Variants in TMEM232 observed in about 807,000 individuals in gnomAD.
TMEM232 encodes transmembrane protein 232.
In TMEM232, 80 loss-of-function variants were observed where a neutral mutation model predicts 78.8. The ratio of observed to expected loss-of-function variants is 1.01; its 90% CI spans 0.85 to 1.22. The LOEUF (loss-of-function observed/expected upper bound fraction) is 1.22, where lower values mean the gene tolerates loss of function less well. TMEM232 is among the 50% of genes most tolerant of loss of function. The probability of loss-of-function intolerance (pLI) is 0.00; values close to 1 mark genes in which losing one functional copy is unlikely to be tolerated. For missense variants in TMEM232, 881 were observed against 742.2 expected (o/e 1.19, Z -2.17); for synonymous variants, 297 against 254.3 (o/e 1.17, Z -1.60).
At chr5:110,438,328 T>C (rs186275840) in intron 12 of TMEM232, among the ~76,000 whole-genome samples, 1 of 151,778 alleles carries the variant, frequency 6.6e-6, no homozygotes, top group Non-Finnish European at 1.5e-5. Flanking sequence ...CTCAGAAATA[T>C]AGAGGGGCAA....
intron 12 of TMEM232, among the ~76,000 whole-genome samples, chr5:110,445,246 T>C (rs747740428): frequency 8.5e-5 from 13 of 152,068 alleles, no homozygotes; most frequent in Non-Finnish European, 1.8e-4. Context: ...TTGATGAGTC[T>C]TATCTCTCTA....
intron 2 of TMEM232, among the ~76,000 whole-genome samples, chr5:110,733,083 C>T (rs981896332): frequency 3.9e-5 from 6 of 152,156 alleles, no homozygotes; most frequent in African/African-American, 1.4e-4. Flanking sequence ...AGCTCAACAT[C>T]ACTGATCATC....
intron 11 of TMEM232, among the ~76,000 whole-genome samples, chr5:110,565,809 G>A (rs888859659): frequency 6.6e-6 from 1 of 151,876 alleles, no homozygotes; most frequent in Non-Finnish European, 1.5e-5. Flanking sequence ...GAATATGTTA[G>A]TCTTATCCTT....
Position 110,667,384 on chromosome 5 carries a change from T to C in TMEM232, c.-12-20A>G. On this transcript the variant is annotated intron_variant, in intron 1 of 13. Transcript: ENST00000455884. ...TAAATTCTAAAAGGAATATTAAATG[T>C]ATGTTAGCATACAAATGCACTCATA... 1 of 1,468,730 alleles carries C rather than the reference T, an allele frequency of 6.8e-7. No homozygotes were observed. The highest frequency in any genetic ancestry group is 9.1e-7 in the Non-Finnish European group (1 of 1,102,568). The allele number at this position is 1,468,730 out of a possible 1,614,324, so 91.0% of individuals were successfully genotyped here. A position where few individuals can be genotyped will look rare whatever the true frequency, so the allele number is the denominator to read the frequency against.
intron 12 of TMEM232, among the ~76,000 whole-genome samples, chr5:110,524,583 A>T (rs1770284978): frequency 6.6e-6 from 1 of 152,104 alleles, no homozygotes; most frequent in Non-Finnish European, 1.5e-5. Context: ...TATGCTGGAG[A>T]AAGTTCTGTG....
chr5:110,633,432 T>C (rs1018552195), intron 5 of TMEM232, among the ~76,000 whole-genome samples: 1 of 152,086 alleles, frequency 6.6e-6, no homozygotes, highest in Non-Finnish European at 1.5e-5. Context: ...AACCATGATA[T>C]GGTTTGGCTC....
intron 1 of TMEM232, among the ~76,000 whole-genome samples, chr5:110,737,198 T>C (rs1350009001): frequency 2.0e-5 from 3 of 152,208 alleles, no homozygotes; most frequent in African/African-American, 7.2e-5. Context: ...CTTAAAATAG[T>C]ATCTGACACG....
At chr5:110,657,352 TG>T (rs1395768490) in intron 2 of TMEM232, among the ~76,000 whole-genome samples, 6 of 151,452 alleles carry the variant, frequency 4.0e-5, no homozygotes, top group Non-Finnish European at 8.8e-5. Context: ...TCAACCTATA[TG>T]TGCATCTAAT....
chr5:110,521,218 G>A (rs929638507), intron 12 of TMEM232, among the ~76,000 whole-genome samples: 1 of 152,050 alleles, frequency 6.6e-6, no homozygotes, highest in East Asian at 1.9e-4. Context: ...GATGATTACT[G>A]ACATTGAACA....
chr5:110,695,603 A>G (rs1561530210), intron 1 of TMEM232, among the ~76,000 whole-genome samples: 1 of 152,182 alleles, frequency 6.6e-6, no homozygotes. Flanking sequence ...AGACACAATA[A>G]AAAATGATAA....
intron 10 of TMEM232, among the ~76,000 whole-genome samples, chr5:110,577,095 C>T (rs940845201): frequency 2.0e-5 from 3 of 151,966 alleles, no homozygotes; most frequent in African/African-American, 7.2e-5. Flanking sequence ...AGTAGACAAT[C>T]TTGGGAATGG....
chr5:110,554,025 CG>C (rs1289311675), intron 11 of TMEM232, among the ~76,000 whole-genome samples: 5 of 151,974 alleles, frequency 3.3e-5, no homozygotes, highest in African/African-American at 1.2e-4. Context: ...TATTGTTTTG[CG>C]TATGTTGAAT....
intron 3 of TMEM232, among the ~76,000 whole-genome samples, chr5:110,397,598 CATAAT>C (rs1580550502): frequency 1.3e-5 from 2 of 152,140 alleles, no homozygotes; most frequent in South Asian, 2.1e-4. Flanking sequence ...TAATGGAACT[CATAAT>C]AAATAACCAC....
intron 12 of TMEM232, among the ~76,000 whole-genome samples, chr5:110,447,206 G>A (rs1015712336): frequency 2.8e-4 from 43 of 151,526 alleles, no homozygotes; most frequent in African/African-American, 9.9e-4. Context: ...GATTTTAAAA[G>A]GAAATCAAAG....
At chr5:110,730,848 C>T (rs900109472), upstream of TMEM232, among the ~76,000 whole-genome samples, 1 of 152,104 alleles carries the variant, frequency 6.6e-6, no homozygotes, top group Non-Finnish European at 1.5e-5. Context: ...CTGGCCCCTC[C>T]AAATCTCATG....
intron 7 of TMEM232, among the ~76,000 whole-genome samples, chr5:110,619,594 A>G (rs886087933): frequency 2.6e-5 from 4 of 152,216 alleles, no homozygotes; most frequent in East Asian, 1.9e-4. Flanking sequence ...AACACACCAC[A>G]GAAAAGCACT....
At chr5:110,696,612 A>G (rs567397298) in intron 1 of TMEM232, among the ~76,000 whole-genome samples, 48 of 152,356 alleles carry the variant, frequency 3.2e-4, no homozygotes, top group African/African-American at 1.1e-3. Context: ...AAGTCTCAGG[A>G]TACAAAATCA....
chr5:110,422,290 C>T (rs1324950868), intron 13 of TMEM232, among the ~76,000 whole-genome samples: 4 of 151,580 alleles, frequency 2.6e-5, no homozygotes, highest in South Asian at 2.1e-4. Flanking sequence ...CTGAGGCGGG[C>T]GGATCACGAG....
At chr5:110,668,593 T>C (rs1790920201) in intron 1 of TMEM232, among the ~76,000 whole-genome samples, 1 of 152,088 alleles carries the variant, frequency 6.6e-6, no homozygotes, top group Non-Finnish European at 1.5e-5. Context: ...TAGCAAGCTC[T>C]CCAGGAATTG....
Sources: gnomAD v4.1 joint callset for allele counts (sites outside exome capture counted in the v4.1 genomes callset) on GRCh38, gnomAD v4.1.1 for gene constraint, MANE v1.5 for transcripts, NCBI Gene and HGNC (gene_info 2026-07-23, HGNC 2026-07-21) for gene names.